The following ATF6 variants were observed in gnomAD, a reference collection of about 807,000 sequenced individuals.
ATF6 encodes the protein cyclic AMP-dependent transcription factor ATF-6 alpha.
Under a neutral mutation model 83.6 loss-of-function variants are expected in ATF6, and 53 were observed. That is an observed-to-expected ratio of 0.63 (90% CI 0.51 to 0.80). The LOEUF (loss-of-function observed/expected upper bound fraction) is 0.80, where lower values mean the gene tolerates loss of function less well. ATF6 is among the 30% of genes least tolerant of loss of function. The pLI is 0.00. For synonymous variants in ATF6, 288 were observed against 285.8 expected (o/e 1.01, Z -0.08); for missense variants, 744 against 797.9 (o/e 0.93, Z 0.81).
intron 15 of ATF6, among the ~76,000 whole-genome samples, chr1:161,957,584 C>T (rs1286796736): frequency 6.6e-6 from 1 of 151,938 alleles, no homozygotes; most frequent in African/African-American, 2.4e-5. Flanking sequence ...AGCTTTTATC[C>T]TCTTAAGAAG....
chr1:161,940,205 A>G (rs896764658), intron 15 of ATF6, among the ~76,000 whole-genome samples: 2 of 152,068 alleles, frequency 1.3e-5, no homozygotes, highest in African/African-American at 4.8e-5. Context: ...TATTAACTTT[A>G]CCTTCAAAAT....
intron 14 of ATF6, among the ~76,000 whole-genome samples, chr1:161,888,010 C>T (rs536407614): frequency 1.2e-4 from 18 of 152,178 alleles, no homozygotes; most frequent in Admixed American, 2.0e-4. Flanking sequence ...TGATTGCTGA[C>T]GTCTATGAGG....
At chr1:161,848,244 T>C (rs754384978) in intron 10 of ATF6, among the ~76,000 whole-genome samples, 2 of 152,148 alleles carry the variant, frequency 1.3e-5, no homozygotes, top group Non-Finnish European at 2.9e-5. Flanking sequence ...CTTGATTTTA[T>C]CAGTATAAAT....
intron 14 of ATF6, among the ~76,000 whole-genome samples, chr1:161,904,146 A>G (rs1687841449): frequency 6.6e-6 from 1 of 152,204 alleles, no homozygotes; most frequent in African/African-American, 2.4e-5. Context: ...TAATACTATT[A>G]TACTATTCTA....
intron 7 of ATF6, among the ~76,000 whole-genome samples, chr1:161,816,748 A>G (rs1685622499): frequency 6.6e-6 from 1 of 152,226 alleles, no homozygotes; most frequent in Non-Finnish European, 1.5e-5. Flanking sequence ...AGTTTACCAA[A>G]CAGAATTACA....
chr1:161,801,957 A>G, intron 6 of ATF6, 95 bp from the exon 7 acceptor site: 1 of 1,080,612 alleles, frequency 9.3e-7, no homozygotes, highest in South Asian at 1.4e-5. Flanking sequence ...TGTTGATCTT[A>G]CCCATTACGT....
intron 12 of ATF6, among the ~76,000 whole-genome samples, chr1:161,858,275 A>G (rs921189754): frequency 6.6e-6 from 1 of 152,220 alleles, no homozygotes; most frequent in African/African-American, 2.4e-5. Flanking sequence ...ATCCAACCAT[A>G]TTAGTAGTTA....
chr1:161,948,428 A>G (rs927134172), intron 15 of ATF6, among the ~76,000 whole-genome samples: 2 of 152,214 alleles, frequency 1.3e-5, no homozygotes, highest in African/African-American at 4.8e-5. Context: ...ATTTATAAGA[A>G]TTGTTTAAAG....
chr1:161,785,284 C>T (rs1236421849), intron 4 of ATF6, among the ~76,000 whole-genome samples: 1 of 152,156 alleles, frequency 6.6e-6, no homozygotes, highest in Non-Finnish European at 1.5e-5. Flanking sequence ...TCTTGGAAAA[C>T]TCATCCTTCA....
rs12047759 is a variant in ATF6, at chr1:161,942,226, G to A, written c.1805-16220G>A. On this transcript the variant is annotated intron_variant, in intron 15 of 15. Transcript: ENST00000367942. ...GCCCTCATACCATCACAGGAAAACA[G>A]CAATCATTGTTAACCCCCATCCATT... Among the ~76,000 whole-genome samples the A allele has an allele frequency of 6.2e-3, 947 of 152,272 alleles. 9 individuals are homozygous for A. The highest frequency in any genetic ancestry group is 0.022 in the African/African-American group (896 of 41,538).
At chr1:161,824,801 A>G (rs769602571) in intron 9 of ATF6, among the ~76,000 whole-genome samples, 5 of 152,344 alleles carry the variant, frequency 3.3e-5, no homozygotes, top group Non-Finnish European at 7.3e-5. Flanking sequence ...TTTATAGAGC[A>G]CTTAATGTTT....
intron 14 of ATF6, among the ~76,000 whole-genome samples, chr1:161,902,252 G>C (rs1425512567): frequency 6.6e-6 from 1 of 152,152 alleles, no homozygotes; most frequent in African/African-American, 2.4e-5. Flanking sequence ...ATTCACCCAA[G>C]TGCTTTTTCT....
intron 9 of ATF6, among the ~76,000 whole-genome samples, chr1:161,839,871 T>A (rs181730861): frequency 6.6e-6 from 1 of 151,714 alleles, no homozygotes; most frequent in East Asian, 1.9e-4. Flanking sequence ...AAAGAGAGAG[T>A]AGTAGGAGAT....
Position 161,781,953 on chromosome 1 carries a change from G to T in ATF6, c.201G>T (p.Met67Ile). 1 of 1,611,526 alleles carries T rather than the reference G, an allele frequency of 6.2e-7. No homozygotes were observed. The highest frequency in any genetic ancestry group is 2.2e-5 in the East Asian group (1 of 44,684). The change falls in exon 3 of 16, where the codon ATG becomes ATT. Residue 67 changes from methionine (M) to isoleucine (I), a missense_variant. Physicochemically the swap from Met to Ile is conservative, Grantham distance 10. Transcript: ENST00000367942. ...ATCTTGATTTTGATTTGGATTTGAT[G>T]CCTTGGGAGTCAGACATTTGGGACA... The part of the protein sequence containing the change: ...FDNLDFDLDL[M>I]PWESDIWDIN...
intron 14 of ATF6, among the ~76,000 whole-genome samples, chr1:161,876,305 G>C (rs1687215599): frequency 6.6e-6 from 1 of 151,918 alleles, no homozygotes; most frequent in African/African-American, 2.4e-5. Flanking sequence ...TTGCAACTAA[G>C]TGTAATTTGA....
rs372229483 is a variant in ATF6, at chr1:161,860,198, A to G, written c.1534-9A>G. 7 of 1,556,942 alleles carry G rather than the reference A, an allele frequency of 4.5e-6. No individual in the cohort carries two copies. Among genetic ancestry groups the G allele is most frequent in the African/African-American group, 1.4e-5 (1 of 71,588 alleles). ...CAGTATTAAACTTTTTTTTTTTTTAATATTCCAGGGTGCTCTGGAACAGGG... is the reference window on the plus strand; with the variant it reads ...CAGTATTAAACTTTTTTTTTTTTTAGTATTCCAGGGTGCTCTGGAACAGGG... On this transcript the variant is annotated splice_polypyrimidine_tract_variant and intron_variant, in intron 12 of 15. Coordinates refer to ENST00000367942, the MANE Select transcript of ATF6 (RefSeq NM_007348.4).
chr1:161,841,480 AAAAC>A (rs1468545593), intron 9 of ATF6, among the ~76,000 whole-genome samples: 18 of 152,208 alleles, frequency 1.2e-4, no homozygotes, highest in Admixed American at 9.8e-4. Flanking sequence ...ATAACAACCA[AAAAC>A]AAACAAGTGA....
At chr1:161,770,542 C>A (rs559170899) in intron 1 of ATF6, among the ~76,000 whole-genome samples, 1 of 152,200 alleles carries the variant, frequency 6.6e-6, no homozygotes, top group East Asian at 1.9e-4. Context: ...AGAGAATCTT[C>A]TTCTTCTTAT....
At chr1:161,807,865 CTTTTTTTTTTT>C (rs761462420) in intron 7 of ATF6, among the ~76,000 whole-genome samples, 69 of 32,342 alleles carry the variant, frequency 2.1e-3, no homozygotes, top group African/African-American at 7.2e-3. Flanking sequence ...AGTTTGTCAT[CTTTTTTTTTTT>C]TTTTTTTTTT....
Sources: allele counts gnomAD v4.1 joint callset (sites outside exome capture counted in the v4.1 genomes callset), GRCh38; gene constraint gnomAD v4.1.1; transcripts MANE v1.5; gene names NCBI Gene and HGNC (gene_info 2026-07-23, HGNC 2026-07-21).